CNTN4: variants seen among roughly 807,000 people sequenced by gnomAD.
CNTN4 encodes the protein contactin-4.
A neutral mutation model predicts 122.5 loss-of-function variants in CNTN4; 77 were observed. The ratio of observed to expected loss-of-function variants is 0.63; its 90% CI spans 0.52 to 0.76. CNTN4 has a LOEUF of 0.76. CNTN4 is among the 30% of genes least tolerant of loss of function. The pLI is 0.00. For missense variants in CNTN4, 1,256 were observed against 1,259.1 expected, an observed-to-expected ratio of 1.00 and a Z score of 0.04; for synonymous variants, 512 against 447.0, an observed-to-expected ratio of 1.15 and a Z score of -1.83.
chr3:2,483,265 C>CCCCAG (rs2076057883), intron 3 of CNTN4, among the ~76,000 whole-genome samples: 1 of 152,118 alleles, frequency 6.6e-6, no homozygotes. Context: ...GGCCTGCAGC[C>CCCCAG]GCTTTGTTTT....
At chr3:2,157,037 G>C (rs1368560505) in intron 2 of CNTN4, among the ~76,000 whole-genome samples, 1 of 151,980 alleles carries the variant, frequency 6.6e-6, no homozygotes, top group East Asian at 1.9e-4. Context: ...TTTCCGTTTC[G>C]TTGGTTTACC....
Position 2,268,104 on chromosome 3 carries a change from A to G in CNTN4, c.-144-71074A>G, listed in dbSNP as rs570049463. 3.9e-5 allele frequency among the ~76,000 whole-genome samples: 6 copies of G among 152,214 alleles called. No homozygotes were observed. The East Asian group carries it at 7.7e-4, about 20-fold the overall frequency. The stretch of plus-strand genomic sequence containing the variant: ...TACTAACATATGTTAAGCATTTACT[A>G]TCTGCTCAATATACTTTGCTAGGCA... On this transcript the variant is annotated intron_variant, in intron 2 of 24. Transcript: ENST00000418658.
chr3:2,597,561 C>T (rs1023551288), intron 4 of CNTN4, among the ~76,000 whole-genome samples: 23 of 152,084 alleles, frequency 1.5e-4, no homozygotes, highest in African/African-American at 4.8e-4. Context: ...GTCTGTAACC[C>T]AGCTGTTCCC....
At chr3:2,404,369 T>C (rs992423562) in intron 3 of CNTN4, among the ~76,000 whole-genome samples, 2 of 152,098 alleles carry the variant, frequency 1.3e-5, no homozygotes, top group Non-Finnish European at 2.9e-5. Flanking sequence ...CAGGATGTGA[T>C]TGTATGATTG....
intron 2 of CNTN4, among the ~76,000 whole-genome samples, chr3:2,304,781 A>C (rs557903208): frequency 2.0e-5 from 3 of 150,498 alleles, no homozygotes; most frequent in Admixed American, 6.6e-5. Context: ...ATTACAATGG[A>C]GCTTTTTCCA....
intron 7 of CNTN4, among the ~76,000 whole-genome samples, chr3:2,845,963 T>G (rs1416197711): frequency 6.6e-6 from 1 of 152,266 alleles, no homozygotes; most frequent in Non-Finnish European, 1.5e-5. Context: ...TGAATTATTA[T>G]GACAGTGTGA....
intron 19 of CNTN4, chr3:3,039,443 A>T (rs931072625): frequency 1.7e-5 from 3 of 175,858 alleles, no homozygotes; most frequent in Admixed American, 1.6e-4. Flanking sequence ...AACCTGGAGG[A>T]AAGTTAGTCA....
intron 2 of CNTN4, among the ~76,000 whole-genome samples, chr3:2,208,993 C>T (rs1453968824): frequency 6.6e-6 from 1 of 152,130 alleles, no homozygotes; most frequent in East Asian, 1.9e-4. Context: ...TTGTGTGCCT[C>T]ACTTTATTGT....
chr3:2,606,191 T>G (rs532121416), intron 4 of CNTN4, among the ~76,000 whole-genome samples: 134 of 152,322 alleles, frequency 8.8e-4, no homozygotes, highest in African/African-American at 3.1e-3. Context: ...CAGATCACAC[T>G]GGGCTTGGCA....
intron 3 of CNTN4, among the ~76,000 whole-genome samples, chr3:2,440,372 T>G (rs1371373811): frequency 1.3e-5 from 2 of 152,204 alleles, no homozygotes; most frequent in African/African-American, 4.8e-5. Flanking sequence ...CTCATATGTC[T>G]TTAAATTCCA....
chr3:2,213,096 G>T (rs985262384), intron 2 of CNTN4, among the ~76,000 whole-genome samples: 1 of 152,186 alleles, frequency 6.6e-6, no homozygotes, highest in African/African-American at 2.4e-5. Context: ...TAGCAAGTTA[G>T]GAATCTGGTT....
chr3:2,562,416 G>C (rs73108585), intron 3 of CNTN4, among the ~76,000 whole-genome samples: 3,644 of 152,130 alleles, frequency 0.024, 137 homozygotes, highest in African/African-American at 0.082. Context: ...AGGGTCTACT[G>C]TTCCCATCTT....
intron 4 of CNTN4, among the ~76,000 whole-genome samples, chr3:2,668,269 G>A (rs2084288902): frequency 6.6e-6 from 1 of 150,562 alleles, no homozygotes; most frequent in Non-Finnish European, 1.5e-5. Flanking sequence ...TTATTTCCTT[G>A]AGCAGTGGTT....
intron 3 of CNTN4, among the ~76,000 whole-genome samples, chr3:2,424,479 G>C (rs1018641392): frequency 2.0e-5 from 3 of 152,062 alleles, no homozygotes; most frequent in African/African-American, 7.2e-5. Context: ...TGGAGATTTG[G>C]GTTGGTTCCA....
rs78407473 is a variant in CNTN4 at position 2,990,575 on chromosome 3, A to C, written c.1486+2103A>C. On this transcript the variant is annotated intron_variant, in intron 14 of 24. Transcript: ENST00000418658. ...GAGTTGGCAGAAAGGAGAGGCCTCT[A>C]TTTCCCATCAGAGTTTGCATCCCAG... Among the ~76,000 whole-genome samples, 1,285 of 152,226 alleles carry C rather than the reference A, an allele frequency of 8.4e-3. 16 individuals are homozygous for C. Among genetic ancestry groups the C allele is most frequent in the African/African-American group, 0.029 (1,223 of 41,512 alleles).
At chr3:2,362,910 T>C (rs1010309032) in intron 3 of CNTN4, among the ~76,000 whole-genome samples, 5 of 152,324 alleles carry the variant, frequency 3.3e-5, no homozygotes, top group Admixed American at 3.3e-4. Flanking sequence ...ACAACTATTA[T>C]AAGATTCTCA....
chr3:2,106,592 TAG>T (rs1381825305), intron 2 of CNTN4, among the ~76,000 whole-genome samples: 1 of 152,198 alleles, frequency 6.6e-6, no homozygotes, highest in Non-Finnish European at 1.5e-5. Context: ...ACCAAGTCCC[TAG>T]GCTGTACACA....
intron 8 of CNTN4, among the ~76,000 whole-genome samples, chr3:2,874,976 GTTTGTT>G (rs977880982): frequency 6.6e-6 from 1 of 151,798 alleles, no homozygotes; most frequent in Non-Finnish European, 1.5e-5. Context: ...GTGCTTATCC[GTTTGTT>G]TTTGTTTGTT....
intron 4 of CNTN4, among the ~76,000 whole-genome samples, chr3:2,698,954 T>G (rs955870366): frequency 6.6e-6 from 1 of 151,070 alleles, no homozygotes; most frequent in Admixed American, 6.6e-5. Context: ...ACCCGGGAGG[T>G]GGAGGTTGCA....
Sources: allele counts gnomAD v4.1 joint callset (sites outside exome capture counted in the v4.1 genomes callset), GRCh38; gene constraint gnomAD v4.1.1; transcripts MANE v1.5; gene names NCBI Gene and HGNC (gene_info 2026-07-23, HGNC 2026-07-21).